LGR5: variants seen among roughly 807,000 people sequenced by gnomAD.
LGR5 encodes leucine rich repeat containing G protein-coupled receptor 5, also known as leucine-rich repeat-containing G protein-coupled receptor 5.
A neutral mutation model predicts 76.7 loss-of-function variants in LGR5; 54 were observed. The ratio of observed to expected loss-of-function variants is 0.70; its 90% CI spans 0.57 to 0.88. The LOEUF (loss-of-function observed/expected upper bound fraction) is 0.88, where lower values mean the gene tolerates loss of function less well. Among genes scored for constraint, LGR5 ranks in the 40% least tolerant of loss-of-function variants. The probability of loss-of-function intolerance (pLI) is 0.00; values close to 1 mark genes in which losing one functional copy is unlikely to be tolerated. For missense variants in LGR5, 1,078 were observed against 1,073.3 expected (o/e 1.00, Z -0.06); for synonymous variants, 406 against 421.9 (o/e 0.96, Z 0.46).
At chr12:71,561,933 T>C (rs766972685) in intron 8 of LGR5, 81 bp downstream of exon 8, 3 of 859,908 alleles carry the variant, frequency 3.5e-6, no homozygotes, top group Admixed American at 2.7e-5. Flanking sequence ...GAATATTCTA[T>C]ATTTGCCTGA....
intron 1 of LGR5, among the ~76,000 whole-genome samples, chr12:71,467,531 G>A (rs1872915705): frequency 6.6e-6 from 1 of 152,008 alleles, no homozygotes; most frequent in African/African-American, 2.4e-5. Context: ...ATCTTTCTTG[G>A]GGAAATCAAA....
chr12:71,546,018 G>A (rs1296912013), intron 4 of LGR5, among the ~76,000 whole-genome samples: 1 of 152,150 alleles, frequency 6.6e-6, no homozygotes, highest in Non-Finnish European at 1.5e-5. Flanking sequence ...GGTGGCAGGG[G>A]CAGGTGGGGT....
intron 1 of LGR5, among the ~76,000 whole-genome samples, chr12:71,470,933 C>T (rs1440415277): frequency 6.6e-6 from 1 of 152,164 alleles, no homozygotes; most frequent in African/African-American, 2.4e-5. Flanking sequence ...AAGTATGCTC[C>T]CCTCCAATGA....
intron 5 of LGR5, among the ~76,000 whole-genome samples, chr12:71,554,328 A>G (rs1364910124): frequency 6.6e-6 from 1 of 152,154 alleles, no homozygotes; most frequent in Admixed American, 6.5e-5. Flanking sequence ...CACATGGGCC[A>G]GTTTACCCAT....
rs754223642 is a variant in LGR5 at position 71,556,637 on chromosome 12, A to G, written c.663A>G (p.Arg221=). The change falls in exon 6 of 18, where the codon AGA becomes AGG. Residue 221 remains arginine (R), a synonymous_variant. Transcript: ENST00000266674. The stretch of plus-strand genomic sequence containing the variant: ...ACTGCAGACATCTCCATAACAATAG[A>G]ATCCACTCCCTGGGAAAGAAATGCT... ...SLVVLHLHNN[R]IHSLGKKCFD... is the part of the protein sequence containing the mutation. The G allele has an allele frequency of 1.9e-6, 3 of 1,611,652 alleles. No homozygotes were observed. The highest frequency in any genetic ancestry group is 2.5e-6 in the Non-Finnish European group (3 of 1,177,780).
At chr12:71,441,454 C>G (rs1022596319) in intron 1 of LGR5, 1 of 152,268 alleles carries the variant, frequency 6.6e-6, no homozygotes, top group Non-Finnish European at 1.5e-5. Context: ...CAGTTTTCGG[C>G]TTCTCTGATG....
intron 2 of LGR5, 130 bp downstream of exon 2, chr12:71,504,815 T>A: frequency 1.3e-6 from 1 of 789,640 alleles, no homozygotes; most frequent in South Asian, 1.4e-5. Context: ...TTTCAGAACA[T>A]GAGGAAACAC....
chr12:71,527,670 A>G (rs960887581), intron 3 of LGR5, among the ~76,000 whole-genome samples: 5 of 152,212 alleles, frequency 3.3e-5, no homozygotes, highest in African/African-American at 7.2e-5. Flanking sequence ...TAATTAAAAC[A>G]TCTCCCAAAG....
chr12:71,527,954 T>C (rs1183927402), intron 3 of LGR5, among the ~76,000 whole-genome samples: 5 of 152,250 alleles, frequency 3.3e-5, no homozygotes, highest in African/African-American at 1.2e-4. Flanking sequence ...GGCTTCTTAC[T>C]GTCCCTCCAT....
chr12:71,563,382 C>T (rs11830392), intron 8 of LGR5, among the ~76,000 whole-genome samples: 7,510 of 152,304 alleles, frequency 0.049, 369 homozygotes, highest in African/African-American at 0.13. Flanking sequence ...CACCAGTCTG[C>T]GTGAGGCTGG....
chr12:71,467,936 A>G (rs1166695458), intron 1 of LGR5, among the ~76,000 whole-genome samples: 1 of 152,226 alleles, frequency 6.6e-6, no homozygotes, highest in African/African-American at 2.4e-5. Flanking sequence ...GTTGAGAGAA[A>G]TGCTTTTAAA....
At chr12:71,446,887 AT>A (rs367801657) in intron 1 of LGR5, among the ~76,000 whole-genome samples, 15 of 152,314 alleles carry the variant, frequency 9.8e-5, no homozygotes, top group Middle Eastern at 6.8e-3. Flanking sequence ...CACAGAAACA[AT>A]TTTTCTTGTC....
intron 1 of LGR5, among the ~76,000 whole-genome samples, chr12:71,484,460 C>A (rs1343228298): frequency 1.3e-5 from 2 of 152,150 alleles, no homozygotes; most frequent in Admixed American, 1.3e-4. Flanking sequence ...TTGAGTCCAC[C>A]TCCTACTGGT....
At chr12:71,568,317 T>C (rs1298140392) in intron 11 of LGR5, among the ~76,000 whole-genome samples, 1 of 152,166 alleles carries the variant, frequency 6.6e-6, no homozygotes, top group Non-Finnish European at 1.5e-5. Context: ...CTTGAGCACA[T>C]TATTATTCCT....
intron 1 of LGR5, among the ~76,000 whole-genome samples, chr12:71,451,651 G>A (rs1380955173): frequency 1.3e-5 from 2 of 152,052 alleles, no homozygotes; most frequent in Non-Finnish European, 2.9e-5. Context: ...CACCACACTT[G>A]ATCACCATAT....
At chr12:71,506,389 T>A (rs1202820224) in intron 2 of LGR5, among the ~76,000 whole-genome samples, 3 of 152,090 alleles carry the variant, frequency 2.0e-5, no homozygotes, top group Admixed American at 2.0e-4. Flanking sequence ...ATAGATTTCC[T>A]CCCTCAGTGA....
At chr12:71,454,770 GACACAA>G (rs1047603993) in intron 1 of LGR5, among the ~76,000 whole-genome samples, 6 of 139,376 alleles carry the variant, frequency 4.3e-5, no homozygotes, top group African/African-American at 1.8e-4. Flanking sequence ...CACGTGCATA[GACACAA>G]ACACACACAC....
intron 1 of LGR5, among the ~76,000 whole-genome samples, chr12:71,481,257 C>T (rs1873587866): frequency 6.6e-6 from 1 of 152,066 alleles, no homozygotes; most frequent in Non-Finnish European, 1.5e-5. Context: ...ACCCCCAACC[C>T]CCTGACAGGC....
chr12:71,533,983 G>A (rs2137364762), intron 3 of LGR5, among the ~76,000 whole-genome samples: 1 of 152,308 alleles, frequency 6.6e-6, no homozygotes, highest in Admixed American at 6.5e-5. Context: ...ACACCTGGGT[G>A]GAATTCCAGC....
Sources: gnomAD v4.1 joint callset for allele counts (sites outside exome capture counted in the v4.1 genomes callset) on GRCh38, gnomAD v4.1.1 for gene constraint, MANE v1.5 for transcripts, NCBI Gene and HGNC (gene_info 2026-07-23, HGNC 2026-07-21) for gene names.